USP50: variants seen among roughly 807,000 people sequenced by gnomAD.
USP50 encodes the protein ubiquitin carboxyl-terminal hydrolase 50.
USP50 carries 37 observed loss-of-function variants against 39.2 expected under a neutral mutation model. That is an observed-to-expected ratio of 0.94 (90% CI 0.73 to 1.24). USP50 has a LOEUF of 1.24. Among genes scored for constraint, USP50 ranks in the 50% most tolerant of loss-of-function variants. The pLI is 0.00. For synonymous variants in USP50, 139 were observed against 144.5 expected (o/e 0.96, Z 0.27); for missense variants, 374 against 398.2 (o/e 0.94, Z 0.52).
At chr15:50,496,545 G>A (rs182447769), downstream of USP50, among the ~76,000 whole-genome samples, 156 of 150,586 alleles carry the variant, frequency 1.0e-3, 3 homozygotes, top group East Asian at 0.029. Flanking sequence ...TTATAATTAG[G>A]CCTATGTAGA....
chr15:50,516,749 CTATATA>C (rs59705292), intron 6 of USP50, among the ~76,000 whole-genome samples: 77,939 of 149,520 alleles, frequency 0.52, 20,546 homozygotes, highest in African/African-American at 0.64. Flanking sequence ...AGAGTGGTAG[CTATATA>C]TATATATATA....
At chr15:50,516,574 G>A (rs1191621181) in intron 6 of USP50, among the ~76,000 whole-genome samples, 2 of 152,180 alleles carry the variant, frequency 1.3e-5, no homozygotes, top group East Asian at 1.9e-4. Flanking sequence ...CCAAGATTAC[G>A]CCATTGCACT....
downstream of USP50, chr15:50,493,365 G>A: frequency 1.9e-6 from 1 of 519,826 alleles, no homozygotes; most frequent in South Asian, 1.4e-5. Context: ...ATTTCATGTT[G>A]ACATCAAGAA....
downstream of USP50, chr15:50,498,512 T>C: frequency 2.8e-6 from 4 of 1,452,086 alleles, no homozygotes; most frequent in Non-Finnish European, 3.7e-6. Flanking sequence ...TTTACAGTCC[T>C]GGCTAAAAAT....
At chr15:50,511,524 G>A (rs142646266) in intron 6 of USP50, 93 of 152,302 alleles carry the variant, frequency 6.1e-4, no homozygotes, top group African/African-American at 2.0e-3. Flanking sequence ...CAAGCCAAAT[G>A]TCCATCACTG....
downstream of USP50, chr15:50,499,858 G>A (rs191179631): frequency 2.6e-5 from 4 of 151,954 alleles, no homozygotes; most frequent in Admixed American, 1.3e-4. Flanking sequence ...ATATACACAC[G>A]TGCTATATAA....
At chr15:50,523,828 A>G (rs2052869003) in intron 6 of USP50, among the ~76,000 whole-genome samples, 1 of 152,224 alleles carries the variant, frequency 6.6e-6, no homozygotes, top group Non-Finnish European at 1.5e-5. Flanking sequence ...TGCCAAAACA[A>G]TCAGGCCAAA....
Position 50,546,528 on chromosome 15 carries a change from T to G in USP50, c.-3A>C. ...GGGAGAGACGGCTGAGAAGTCATTT[T>G]AATGGAACCACGTTGGACTTTTGCT... On this transcript the variant is annotated 5_prime_UTR_variant, in exon 1 of 7. Coordinates refer to ENST00000532404, the MANE Select transcript of USP50 (RefSeq NM_203494.5). 1.2e-6 allele frequency: 2 copies of G among 1,613,628 alleles called. No individual in the cohort carries two copies. Among genetic ancestry groups the G allele is most frequent in the Non-Finnish European group, 1.7e-6 (2 of 1,179,606 alleles).
At chr15:50,538,560 A>G (rs2053001972) in intron 5 of USP50, 149 bp downstream of exon 5, 12 of 862,798 alleles carry the variant, frequency 1.4e-5, no homozygotes, top group Non-Finnish European at 1.9e-5. Flanking sequence ...GTTATGCTGT[A>G]TATATTTTAT....
At chr15:50,519,286 CA>C (rs1200474917) in intron 6 of USP50, among the ~76,000 whole-genome samples, 2 of 150,522 alleles carry the variant, frequency 1.3e-5, no homozygotes, top group East Asian at 3.9e-4. Flanking sequence ...GACTCTGTCT[CA>C]AAAAAATCAG....
chr15:50,496,718 G>A (rs2052427391), downstream of USP50, among the ~76,000 whole-genome samples: 1 of 151,940 alleles, frequency 6.6e-6, no homozygotes, highest in Non-Finnish European at 1.5e-5. Context: ...CTTTACATGG[G>A]GATATCAAAT....
At chr15:50,501,183 G>A (rs1343665474) in intron 6 of USP50, 4 of 226,824 alleles carry the variant, frequency 1.8e-5, no homozygotes, top group African/African-American at 9.1e-5. Flanking sequence ...ATTCAGGCCG[G>A]GCACAGTGGC....
At chr15:50,529,715 A>G (rs2052925066) in intron 6 of USP50, 82 bp downstream of exon 6, 1 of 1,475,440 alleles carries the variant, frequency 6.8e-7, no homozygotes, top group Non-Finnish European at 9.1e-7. Flanking sequence ...CCAGGGAGAG[A>G]CAGGAGAAAT....
At chr15:50,533,632 G>A (rs1055471665) in intron 5 of USP50, among the ~76,000 whole-genome samples, 8 of 152,136 alleles carry the variant, frequency 5.3e-5, no homozygotes, top group African/African-American at 1.9e-4. Context: ...ACCTTCAAAC[G>A]TGAAGGGAAA....
intron 6 of USP50, chr15:50,507,006 A>T (rs1455711907): frequency 7.0e-6 from 1 of 143,748 alleles, no homozygotes; most frequent in Non-Finnish European, 1.5e-5. Flanking sequence ...TTTTAGGCCA[A>T]GTGTGGTGGC....
At chr15:50,517,760 C>G (rs1240231575) in intron 6 of USP50, among the ~76,000 whole-genome samples, 1 of 152,118 alleles carries the variant, frequency 6.6e-6, no homozygotes, top group Non-Finnish European at 1.5e-5. Flanking sequence ...TCACTGTCAC[C>G]CAGGCTGGAG....
chr15:50,540,772 C>T (rs917060321), intron 4 of USP50, among the ~76,000 whole-genome samples: 2 of 152,034 alleles, frequency 1.3e-5, no homozygotes, highest in East Asian at 1.9e-4. Flanking sequence ...TACAGGTGCC[C>T]GCCACCATGT....
Position 50,546,485 on chromosome 15 carries a change from A to G in USP50, c.41T>C (p.Ile14Thr). ...QPSLPADDFD[I>T]YHVLAECTDY... is the part of the protein sequence containing the mutation. ...GATCAAGGCTCACAGGACGTGGTAG[A>G]TATCGAAGTCATCTGCAGGGAGAGA... The change falls in exon 1 of 7, where the codon ATC (isoleucine) becomes ACC (threonine). Residue 14 changes from isoleucine (I) to threonine (T), a missense_variant. Transcript: ENST00000532404. 1 of 1,613,718 alleles carries G rather than the reference A, an allele frequency of 6.2e-7. No homozygotes were observed. Among genetic ancestry groups the G allele is most frequent in the Non-Finnish European group, 8.5e-7 (1 of 1,179,668 alleles).
downstream of USP50, chr15:50,499,292 C>T (rs2052529137): frequency 4.9e-6 from 2 of 407,354 alleles, no homozygotes; most frequent in Non-Finnish European, 8.3e-6. Context: ...CTTACAGGTA[C>T]CATTTATTTC....
Sources: allele counts gnomAD v4.1 joint callset (sites outside exome capture counted in the v4.1 genomes callset), GRCh38; gene constraint gnomAD v4.1.1; transcripts MANE v1.5; gene names NCBI Gene and HGNC (gene_info 2026-07-23, HGNC 2026-07-21).